Variants in ARB2A observed in about 807,000 individuals in gnomAD.
ARB2A encodes the protein ARB2 cotranscriptional regulator A.
At chr5:93,983,888 C>T in the ARB2A span, among the ~76,000 whole-genome samples, 2 of 151,986 alleles carry the variant, frequency 1.3e-5, no homozygotes, top group African/African-American at 4.8e-5. Context: ...CTGTACTCCT[C>T]AAAAAATGTC....
chr5:93,760,280 G>T, the ARB2A span, among the ~76,000 whole-genome samples: 2 of 152,300 alleles, frequency 1.3e-5, no homozygotes, highest in East Asian at 3.9e-4. Context: ...CACATCCCAT[G>T]CTCATGGATG....
At chr5:94,096,649 T>A in the ARB2A span, among the ~76,000 whole-genome samples, 2 of 152,046 alleles carry the variant, frequency 1.3e-5, no homozygotes, top group Non-Finnish European at 2.9e-5. Context: ...ATCTAGACGA[T>A]GATTAAATAA....
the ARB2A span, among the ~76,000 whole-genome samples, chr5:93,842,001 G>C: frequency 6.6e-6 from 1 of 152,082 alleles, no homozygotes; most frequent in Non-Finnish European, 1.5e-5. Flanking sequence ...TTAATTTTCT[G>C]CCATTTATTA....
At chr5:93,768,004 A>G in the ARB2A span, among the ~76,000 whole-genome samples, 2 of 143,780 alleles carry the variant, frequency 1.4e-5, no homozygotes, top group East Asian at 3.9e-4. Flanking sequence ...AAAAAAAAAA[A>G]AAAAAAAAAA....
the ARB2A span, among the ~76,000 whole-genome samples, chr5:94,020,797 C>A: frequency 6.6e-6 from 1 of 152,156 alleles, no homozygotes; most frequent in Non-Finnish European, 1.5e-5. Flanking sequence ...CTCTTATGAT[C>A]CACATTTAGA....
At chr5:93,690,878 G>A in the ARB2A span, among the ~76,000 whole-genome samples, 47 of 152,256 alleles carry the variant, frequency 3.1e-4, no homozygotes, top group African/African-American at 1.1e-3. Context: ...TGCAGCCTCC[G>A]CTGGTGATAC....
At chr5:94,100,403 A>G in the ARB2A span, among the ~76,000 whole-genome samples, 1 of 152,184 alleles carries the variant, frequency 6.6e-6, no homozygotes, top group African/African-American at 2.4e-5. Context: ...CTATCAAACT[A>G]CCAAAGGCAT....
the ARB2A span, among the ~76,000 whole-genome samples, chr5:93,815,022 T>C: frequency 6.6e-6 from 1 of 151,752 alleles, no homozygotes; most frequent in Non-Finnish European, 1.5e-5. Context: ...AAAAAAATTT[T>C]TGTACAAACG....
chr5:93,697,769 T>C, the ARB2A span, among the ~76,000 whole-genome samples: 491 of 152,256 alleles, frequency 3.2e-3, 3 homozygotes, highest in South Asian at 0.014. Flanking sequence ...AACTTTTTTA[T>C]TGAAATAAAA....
the ARB2A span, chr5:93,683,683 A>C: frequency 3.7e-6 from 6 of 1,609,598 alleles, no homozygotes; most frequent in Admixed American, 8.3e-5. Context: ...CTGGGGCCTC[A>C]GGGGGCTCAT....
the ARB2A span, among the ~76,000 whole-genome samples, chr5:93,758,832 A>G: frequency 6.6e-6 from 1 of 152,172 alleles, no homozygotes; most frequent in Non-Finnish European, 1.5e-5. Flanking sequence ...TCATACCTCA[A>G]GGAACTAGAG....
the ARB2A span, among the ~76,000 whole-genome samples, chr5:93,826,649 G>A: frequency 1.3e-5 from 2 of 151,730 alleles, no homozygotes; most frequent in African/African-American, 4.8e-5. Context: ...CAATGTGCAG[G>A]TTTGTTACAT....
At chr5:93,948,291 T>G in the ARB2A span, among the ~76,000 whole-genome samples, 1 of 152,228 alleles carries the variant, frequency 6.6e-6, no homozygotes. Context: ...TCATGTGTTT[T>G]TTGGCTGCAT....
chr5:93,982,277 C>T, the ARB2A span, among the ~76,000 whole-genome samples: 3 of 152,098 alleles, frequency 2.0e-5, no homozygotes, highest in Non-Finnish European at 2.9e-5. Flanking sequence ...GCGCTGATGT[C>T]AGTATGCACT....
the ARB2A span, among the ~76,000 whole-genome samples, chr5:93,809,926 A>G: frequency 6.6e-6 from 1 of 152,066 alleles, no homozygotes; most frequent in African/African-American, 2.4e-5. Flanking sequence ...CAATTTTAGA[A>G]TATTATCGTC....
At chr5:94,081,902 T>A in the ARB2A span, among the ~76,000 whole-genome samples, 1 of 152,110 alleles carries the variant, frequency 6.6e-6, no homozygotes, top group Admixed American at 6.6e-5. Context: ...ACCACTCACC[T>A]TTCCCTTTAC....
the ARB2A span, among the ~76,000 whole-genome samples, chr5:94,000,792 T>G: frequency 9.2e-5 from 14 of 152,124 alleles, no homozygotes; most frequent in Admixed American, 9.2e-4. Flanking sequence ...CATTTTGCAC[T>G]TAGGTCTATG....
At chr5:93,729,680 T>A in the ARB2A span, among the ~76,000 whole-genome samples, 3 of 152,144 alleles carry the variant, frequency 2.0e-5, no homozygotes, top group African/African-American at 7.2e-5. Flanking sequence ...AAGTTAATAA[T>A]ATTTGCAGGA....
At chr5:93,729,035 C>T in the ARB2A span, among the ~76,000 whole-genome samples, 2 of 152,054 alleles carry the variant, frequency 1.3e-5, no homozygotes, top group Admixed American at 6.6e-5. Flanking sequence ...AAATTACAGT[C>T]CAGATTTTCA....
Sources: allele counts gnomAD v4.1 joint callset (sites outside exome capture counted in the v4.1 genomes callset), GRCh38; gene constraint gnomAD v4.1.1; transcripts MANE v1.5; gene names NCBI Gene and HGNC (gene_info 2026-07-23, HGNC 2026-07-21).